ERMP1: variants seen among roughly 807,000 people sequenced by gnomAD.
ERMP1 encodes Felix-ina.
In ERMP1, 86 loss-of-function variants were observed where a neutral mutation model predicts 92.0. The observed-to-expected ratio is 0.93, with a 90% CI of 0.79 to 1.12. ERMP1 has a LOEUF of 1.12. Among genes scored for constraint, ERMP1 ranks in the 50% most tolerant of loss-of-function variants. The pLI is 0.00. For synonymous variants in ERMP1, 530 were observed against 412.8 expected, an observed-to-expected ratio of 1.28 and a Z score of -3.44; for missense variants, 1,342 against 1,116.3, an observed-to-expected ratio of 1.20 and a Z score of -2.88.
At chr9:5,812,334 C>T in intron 5 of ERMP1, 117 bp from the exon 6 acceptor site, 1 of 606,314 alleles carries the variant, frequency 1.6e-6, no homozygotes, top group Non-Finnish European at 2.9e-6. Flanking sequence ...GGCACGATTG[C>T]TTTGTCACAT....
At chr9:5,852,014 T>C (rs145826687) in intron 6 of ERMP1, among the ~76,000 whole-genome samples, 2 of 152,246 alleles carry the variant, frequency 1.3e-5, no homozygotes, top group Non-Finnish European at 2.9e-5. Flanking sequence ...CATTTCAAAG[T>C]AAAAATGAAA....
chr9:5,862,170 C>T (rs985447211), intron 5 of ERMP1, among the ~76,000 whole-genome samples: 6 of 152,032 alleles, frequency 3.9e-5, no homozygotes, highest in African/African-American at 1.2e-4. Context: ...GCTGGGACCA[C>T]AGGTGTGTGC....
Position 5,787,181 on chromosome 9 carries a change from G to A in ERMP1, c.2678C>T (p.Ser893Phe). 2 of 1,614,112 alleles carry A rather than the reference G, an allele frequency of 1.2e-6. No individual in the cohort carries two copies. Among genetic ancestry groups the A allele is most frequent in the African/African-American group, 1.3e-5 (1 of 75,060 alleles). ...KEKFPDWTFP[S>F]AWVCTYDLFV... ...GAGATCGTAGGTGCACACCCAGGCAGAGGGAAATGTCCAATCTGGGAACTT... is the reference window on the plus strand; with the variant it reads ...GAGATCGTAGGTGCACACCCAGGCAAAGGGAAATGTCCAATCTGGGAACTT... Residue 893 changes from serine to phenylalanine, a missense_variant, in exon 15 of 15, where the codon TCT (serine) becomes TTT (phenylalanine). Transcript: ENST00000339450.
chr9:5,860,173 T>C (rs902861779), intron 5 of ERMP1, among the ~76,000 whole-genome samples: 1 of 151,044 alleles, frequency 6.6e-6, no homozygotes, highest in African/African-American at 2.4e-5. Flanking sequence ...GGTGTGGTAG[T>C]GCATACCTGT....
In ERMP1 at chr9:5,787,570, C is replaced by T; in HGVS notation, c.2410G>A (p.Val804Ile). The T allele has an allele frequency of 6.2e-7, 1 of 1,613,312 alleles. No individual in the cohort carries two copies. The highest frequency in any genetic ancestry group is 8.5e-7 in the Non-Finnish European group (1 of 1,179,708). Reference protein sequence around the residue: ...ATGPSHMSFYVRAHKGSTLSQ... With the variant: ...ATGPSHMSFYIRAHKGSTLSQ... ...AGTGTTGACCCTTTGTGGGCTCGAACATAGAAGGACATATGGCTTGGTCCT... is the reference window on the plus strand; with the variant it reads ...AGTGTTGACCCTTTGTGGGCTCGAATATAGAAGGACATATGGCTTGGTCCT... Residue 804 changes from valine to isoleucine, a missense_variant, in exon 14 of 15, where the codon GTT (valine) becomes ATT (isoleucine). Transcript: ENST00000339450.
intron 13 of ERMP1, among the ~76,000 whole-genome samples, chr9:5,792,369 T>G (rs1464946760): frequency 1.3e-5 from 2 of 152,182 alleles, no homozygotes; most frequent in Non-Finnish European, 2.9e-5. Context: ...GTTAAGAAGC[T>G]GGAAGACCTA....
chr9:5,817,987 G>A (rs1009467916), intron 4 of ERMP1, among the ~76,000 whole-genome samples: 1 of 152,156 alleles, frequency 6.6e-6, no homozygotes, highest in African/African-American at 2.4e-5. Context: ...GTGGTGAAGT[G>A]GGGAGGCTAA....
intron 4 of ERMP1, among the ~76,000 whole-genome samples, chr9:5,815,552 A>G (rs867796897): frequency 2.8e-4 from 42 of 151,982 alleles, no homozygotes; most frequent in African/African-American, 9.4e-4. Flanking sequence ...AATTCCAACT[A>G]TGACCTACAG....
chr9:5,855,151 C>A (rs1830357337), intron 6 of ERMP1, among the ~76,000 whole-genome samples: 1 of 151,860 alleles, frequency 6.6e-6, no homozygotes, highest in Admixed American at 6.6e-5. Flanking sequence ...AATGTAATAG[C>A]CTAAGAAAAA....
intron 6 of ERMP1, among the ~76,000 whole-genome samples, chr9:5,854,490 T>G (rs1830347742): frequency 6.6e-6 from 1 of 152,154 alleles, no homozygotes; most frequent in Non-Finnish European, 1.5e-5. Flanking sequence ...TTTGCTGTCT[T>G]GAACAAAAAG....
At chr9:5,866,603 A>T (rs1830671490) in intron 5 of ERMP1, among the ~76,000 whole-genome samples, 1 of 152,226 alleles carries the variant, frequency 6.6e-6, no homozygotes, top group Non-Finnish European at 1.5e-5. Context: ...TGAACTTGTA[A>T]TTTCATAGAA....
At chr9:5,820,934 A>C (rs1586811158) in intron 4 of ERMP1, among the ~76,000 whole-genome samples, 1 of 152,332 alleles carries the variant, frequency 6.6e-6, no homozygotes, top group African/African-American at 2.4e-5. Flanking sequence ...AAGGTATCAG[A>C]ATGTCAGAAA....
intron 6 of ERMP1, among the ~76,000 whole-genome samples, chr9:5,854,875 A>T (rs1011798498): frequency 6.6e-6 from 1 of 152,202 alleles, no homozygotes; most frequent in Non-Finnish European, 1.5e-5. Context: ...ACATTTATGT[A>T]GGTTAATATT....
intron 10 of ERMP1, among the ~76,000 whole-genome samples, chr9:5,804,704 C>T (rs950337628): frequency 6.6e-6 from 1 of 152,116 alleles, no homozygotes; most frequent in Admixed American, 6.6e-5. Context: ...GATCATTCAC[C>T]ACCAGGCAAT....
At chr9:5,827,098 T>A (rs1371754502) in intron 2 of ERMP1, among the ~76,000 whole-genome samples, 1 of 152,002 alleles carries the variant, frequency 6.6e-6, no homozygotes. Flanking sequence ...CACAGCAAAC[T>A]CAAGAAGATA....
At chr9:5,810,563 C>G (rs1829053431) in intron 7 of ERMP1, among the ~76,000 whole-genome samples, 1 of 151,986 alleles carries the variant, frequency 6.6e-6, no homozygotes, top group Non-Finnish European at 1.5e-5. Context: ...AAAATATTAG[C>G]AAGAATGGAA....
chr9:5,789,486 T>C (rs1828082550), intron 13 of ERMP1, among the ~76,000 whole-genome samples: 1 of 152,242 alleles, frequency 6.6e-6, no homozygotes, highest in Non-Finnish European at 1.5e-5. Context: ...TGAGCCCTTC[T>C]TCAGAAACAG....
Position 5,825,089 on chromosome 9 carries a change from C to A in ERMP1, c.768+3G>T. ...CCTGATATTTAAAACAGTAAAATCT[C>A]ACTTGCAAGACATTTTCCTCAGCAC... On this transcript the variant is annotated splice_donor_region_variant and intron_variant, in intron 3 of 14. Coordinates refer to ENST00000339450, the MANE Select transcript of ERMP1 (RefSeq NM_024896.3). The A allele has an allele frequency of 6.2e-7, 1 of 1,613,588 alleles. No homozygotes were observed. Among genetic ancestry groups the A allele is most frequent in the South Asian group, 1.1e-5 (1 of 91,002 alleles).
At position 5,812,123 on chromosome 9, in the gene ERMP1, A is replaced by T; in HGVS notation, c.1114+2T>A. 6.3e-7 allele frequency: 1 copy of T among 1,585,710 alleles called. No homozygotes were observed. The highest frequency in any genetic ancestry group is 8.6e-7 in the Non-Finnish European group (1 of 1,160,440). On this transcript the variant is annotated splice_donor_variant, in intron 6 of 14. Coordinates refer to ENST00000339450, the MANE Select transcript of ERMP1 (RefSeq NM_024896.3). LOFTEE classifies it high-confidence loss of function. ...ATCAAAAGTCTAAATTGGAATACCA[A>T]CCTGCTCTCTGAATGGAATCTGTTA...
Sources: gnomAD v4.1 joint callset for allele counts (sites outside exome capture counted in the v4.1 genomes callset) on GRCh38, gnomAD v4.1.1 for gene constraint, MANE v1.5 for transcripts, NCBI Gene and HGNC (gene_info 2026-07-23, HGNC 2026-07-21) for gene names.